The following RIMBP2 variants were observed in gnomAD, a reference collection of about 807,000 sequenced individuals.
RIMBP2 encodes the protein RIMS binding protein 2.
A neutral mutation model predicts 118.6 loss-of-function variants in RIMBP2; 48 were observed. The ratio of observed to expected loss-of-function variants is 0.40; its 90% CI spans 0.32 to 0.51. The LOEUF is 0.51. Ranked by LOEUF, RIMBP2 falls within the 20% of genes least tolerant of loss-of-function variation. The probability of loss-of-function intolerance (pLI) is 0.41; values close to 1 mark genes in which losing one functional copy is unlikely to be tolerated. For missense variants in RIMBP2, 1,551 were observed against 1,768.3 expected, an observed-to-expected ratio of 0.88 and a Z score of 2.20; for synonymous variants, 762 against 742.9, an observed-to-expected ratio of 1.03 and a Z score of -0.42.
chr12:130,521,516 T>G (rs1192401887), intron 2 of RIMBP2, among the ~76,000 whole-genome samples: 1 of 152,218 alleles, frequency 6.6e-6, no homozygotes, highest in Non-Finnish European at 1.5e-5. Flanking sequence ...GTCAGTCAGA[T>G]CACACAAACG....
intron 19 of RIMBP2, among the ~76,000 whole-genome samples, chr12:130,408,731 A>C (rs1184128705): frequency 6.6e-6 from 1 of 152,222 alleles, no homozygotes; most frequent in Non-Finnish European, 1.5e-5. Flanking sequence ...GTTGGCATTT[A>C]TGTGTTTCTT....
Position 130,646,466 on chromosome 12 carries a change from G to GCCACCTCCCTCGCCACCTCCCTCA in RIMBP2, c.-351-18011_-351-18010insTGAGGGAGGTGGCGAGGGAGGTGG, listed in dbSNP as rs1566423725. Among the ~76,000 whole-genome samples the GCCACCTCCCTCGCCACCTCCCTCA allele has an allele frequency of 9.2e-5, 4 of 43,300 alleles. 1 individual carries two copies. Among genetic ancestry groups the GCCACCTCCCTCGCCACCTCCCTCA allele is most frequent in the African/African-American group, 2.7e-4 (4 of 14,618 alleles). 28.4% of individuals were successfully genotyped at this position (43,300 alleles called of 152,430 possible). ...TGCCACCTCCCTCGCCACCTCCCTC[G>GCCACCTCCCTCGCCACCTCCCTCA]CTACCTCCCTCACTACTGCAAAAGG... On this transcript the variant is annotated intron_variant, in intron 1 of 22. Coordinates refer to ENST00000690449, the MANE Select transcript of RIMBP2 (RefSeq NM_001393629.1).
At position 130,450,035 on chromosome 12, in the gene RIMBP2, ACT is replaced by A. The variant is rs1447791733; in HGVS notation, c.581+163_581+164del. Among the ~76,000 whole-genome samples, 1 of 151,436 alleles carries A rather than the reference ACT, an allele frequency of 6.6e-6. No homozygotes were observed. The highest frequency in any genetic ancestry group is 1.5e-5 in the Non-Finnish European group (1 of 67,844). ...CCTGGGAGACTTGCGTGCCACCCAA[ACT>A]CTCTCCACCGAACCCTGCTCAGCCT... On this transcript the variant is annotated intron_variant, in intron 9 of 22. Coordinates refer to ENST00000690449, the MANE Select transcript of RIMBP2 (RefSeq NM_001393629.1). The surrounding 1 kb of genome is among the most constrained non-coding windows in gnomAD (Gnocchi z 4.8).
chr12:130,656,143 G>A (rs11610224), intron 1 of RIMBP2, among the ~76,000 whole-genome samples: 26,997 of 152,208 alleles, frequency 0.18, 2,692 homozygotes, highest in East Asian at 0.26. Flanking sequence ...TGTGGGCCCC[G>A]GGAGGGCCAG....
intron 1 of RIMBP2, among the ~76,000 whole-genome samples, chr12:130,645,206 G>A (rs983591046): frequency 4.6e-5 from 7 of 151,460 alleles, no homozygotes; most frequent in Admixed American, 2.0e-4. Context: ...AGAGTCTCCC[G>A]CCTCAGGTCC....
chr12:130,518,394 G>A (rs1468143213), intron 2 of RIMBP2, among the ~76,000 whole-genome samples: 1 of 152,190 alleles, frequency 6.6e-6, no homozygotes, highest in East Asian at 1.9e-4. Flanking sequence ...GAACCTTCTA[G>A]ATTCAGAGTC....
intron 2 of RIMBP2, among the ~76,000 whole-genome samples, chr12:130,529,819 T>C (rs1338531332): frequency 1.3e-5 from 2 of 152,030 alleles, no homozygotes; most frequent in African/African-American, 4.8e-5. Context: ...TAGGTTCTCA[T>C]AAGGAGTGTG....
intron 11 of RIMBP2, among the ~76,000 whole-genome samples, chr12:130,441,220 G>A (rs1307230376): frequency 2.0e-5 from 3 of 151,936 alleles, no homozygotes; most frequent in Non-Finnish European, 4.4e-5. Flanking sequence ...GACCAACATG[G>A]TGAAACCCTG....
At chr12:130,457,353 C>A (rs2079544068) in intron 6 of RIMBP2, among the ~76,000 whole-genome samples, 1 of 152,180 alleles carries the variant, frequency 6.6e-6, no homozygotes, top group South Asian at 2.1e-4. Flanking sequence ...AGCGTCTCCC[C>A]CAGGGACACG....
chr12:130,426,276 T>A (rs1224397878), intron 15 of RIMBP2: 1 of 138,378 alleles, frequency 7.2e-6, no homozygotes, highest in Non-Finnish European at 1.5e-5. Flanking sequence ...GCCTACATGA[T>A]TTCTATTTTT....
intron 1 of RIMBP2, among the ~76,000 whole-genome samples, chr12:130,704,117 G>A (rs181123692): frequency 3.3e-5 from 5 of 152,234 alleles, no homozygotes; most frequent in African/African-American, 7.2e-5. Context: ...TGGCCAGGTC[G>A]ACTTCCCTCC....
chr12:130,714,583 G>A (rs1361429765), intron 1 of RIMBP2, among the ~76,000 whole-genome samples: 1 of 152,240 alleles, frequency 6.6e-6, no homozygotes, highest in Non-Finnish European at 1.5e-5. Context: ...GGGGCACGGG[G>A]GAATAGCCGC....
chr12:130,449,204 T>C (rs973849161), intron 9 of RIMBP2, among the ~76,000 whole-genome samples: 7 of 152,158 alleles, frequency 4.6e-5, no homozygotes, highest in African/African-American at 1.7e-4. Flanking sequence ...TGCTAAGAAA[T>C]GGGGGTGAAC....
rs141606671 is a variant in RIMBP2, at chr12:130,397,923, A to T, written c.3901-374T>A. The T allele has an allele frequency of 2.0e-3, 331 of 161,838 alleles. 1 individual carries two copies. The highest frequency in any genetic ancestry group is 7.3e-3 in the African/African-American group (308 of 41,988). The allele number at this position is 161,838 out of a possible 1,614,324, so 10.0% of individuals were successfully genotyped here. A position where few individuals can be genotyped will look rare whatever the true frequency, so the allele number is the denominator to read the frequency against. ...CAGTAGTCTTAAAAAGCGAAAGTTC[A>T]TAAAGGGAATTTTGTTGTATTTGAA... On this transcript the variant is annotated intron_variant, in intron 22 of 22. Coordinates refer to ENST00000690449, the MANE Select transcript of RIMBP2 (RefSeq NM_001393629.1).
intron 3 of RIMBP2, among the ~76,000 whole-genome samples, chr12:130,515,368 TC>T (rs2139010356): frequency 6.6e-6 from 1 of 152,228 alleles, no homozygotes; most frequent in African/African-American, 2.4e-5. Context: ...AAACAGCATC[TC>T]CCTATCCCCC....
chr12:130,477,700 A>C (rs918952933), intron 5 of RIMBP2, among the ~76,000 whole-genome samples: 1 of 152,220 alleles, frequency 6.6e-6, no homozygotes, highest in African/African-American at 2.4e-5. Context: ...TCTGCTAATA[A>C]ACTCTGGAGG....
chr12:130,667,734 G>GGCTGGA (rs1435861112), intron 1 of RIMBP2: 1 of 152,236 alleles, frequency 6.6e-6, no homozygotes, highest in Admixed American at 6.5e-5. Flanking sequence ...GGAGGGCGGG[G>GGCTGGA]GCTGGAGCTG....
intron 2 of RIMBP2, among the ~76,000 whole-genome samples, chr12:130,586,104 G>A (rs184322275): frequency 6.6e-6 from 1 of 152,208 alleles, no homozygotes; most frequent in African/African-American, 2.4e-5. Flanking sequence ...TCACTAATCT[G>A]TCTCTGATGA....
rs118111355 is a variant in RIMBP2 at position 130,431,427 on chromosome 12, C to T, written c.2254-3090G>A. 6.8e-3 allele frequency: 2,816 copies of T among 414,278 alleles called. 18 individuals are homozygous for T. The highest frequency in any genetic ancestry group is 0.011 in the Middle Eastern group (33 of 2,904). 25.7% of individuals were successfully genotyped at this position (414,278 alleles called of 1,614,324 possible). Reference sequence around the variant, plus strand: ...GTCACTCCCTACCACTGTCATGATGCGTCACCTAGCCAGACGCCATCTGTA... The same window carrying T: ...GTCACTCCCTACCACTGTCATGATGTGTCACCTAGCCAGACGCCATCTGTA... On this transcript the variant is annotated intron_variant, in intron 14 of 22. Transcript: ENST00000690449. This position sits in a 1 kb window ranked among gnomAD's most constrained non-coding sequence, Gnocchi z 4.0.
Sources: gnomAD v4.1 joint callset for allele counts (sites outside exome capture counted in the v4.1 genomes callset) on GRCh38, gnomAD v4.1.1 for gene constraint, Gnocchi (gnomAD v3.1) non-coding constraint, MANE v1.5 for transcripts, NCBI Gene and HGNC (gene_info 2026-07-23, HGNC 2026-07-21) for gene names.